The following GRM1 variants were observed in gnomAD, a reference collection of about 807,000 sequenced individuals.
GRM1 encodes glutamate metabotropic receptor 1, also known as metabotropic glutamate receptor 1.
Under a neutral mutation model 90.9 loss-of-function variants are expected in GRM1, and 33 were observed. The observed-to-expected ratio is 0.36, with a 90% CI of 0.28 to 0.49. GRM1 has a LOEUF of 0.49. GRM1 is among the 20% of genes least tolerant of loss of function. The pLI is 0.99. For synonymous variants in GRM1, 700 were observed against 613.2 expected (o/e 1.14, Z -2.09); for missense variants, 1,190 against 1,534.3 (o/e 0.78, Z 3.75).
intron 1 of GRM1, among the ~76,000 whole-genome samples, chr6:146,090,266 G>A (rs1257927899): frequency 6.6e-6 from 1 of 151,998 alleles, no homozygotes; most frequent in Admixed American, 6.6e-5. Context: ...ATGCCAATAG[G>A]TTAATTTATC....
intron 3 of GRM1, among the ~76,000 whole-genome samples, chr6:146,339,281 C>A (rs1197317684): frequency 6.6e-6 from 1 of 152,162 alleles, no homozygotes; most frequent in Non-Finnish European, 1.5e-5. Flanking sequence ...CCCTTCCACC[C>A]AAACTCAATT....
Position 146,434,057 on chromosome 6 carries a change from C to T in GRM1, c.2846C>T (p.Thr949Ile). Residue 949 changes from threonine (T) to isoleucine (I), a missense_variant, in exon 8 of 8, where the codon ACC becomes ATC. Transcript: ENST00000282753. ...GGCAAGAGCCTGACCTTTTCAGATA[C>T]CAGCACCAAGACCCTTTACAACGTA... is the stretch of plus-strand genomic sequence containing the variant. ...GSGKSLTFSD[T>I]STKTLYNVEE... The T allele has an allele frequency of 6.2e-7, 1 of 1,614,176 alleles. No individual in the cohort carries two copies.
At chr6:146,094,365 C>G (rs1445534028) in intron 1 of GRM1, among the ~76,000 whole-genome samples, 1 of 152,042 alleles carries the variant, frequency 6.6e-6, no homozygotes, top group Non-Finnish European at 1.5e-5. Flanking sequence ...ATAGCTTTTC[C>G]TGGTCATTAC....
chr6:146,119,822 C>G (rs1775911877), intron 1 of GRM1, among the ~76,000 whole-genome samples: 1 of 152,138 alleles, frequency 6.6e-6, no homozygotes, highest in Non-Finnish European at 1.5e-5. Context: ...GTACCAGTAC[C>G]ATGCTGTTTT....
intron 2 of GRM1, among the ~76,000 whole-genome samples, chr6:146,260,822 T>G (rs1416547192): frequency 2.1e-5 from 3 of 140,300 alleles, no homozygotes; most frequent in Non-Finnish European, 4.6e-5. Context: ...TTTTTTTTTT[T>G]TTTTTTTTTT....
At chr6:146,136,849 CTTTTTT>C (rs57774648) in intron 1 of GRM1, among the ~76,000 whole-genome samples, 1 of 90,942 alleles carries the variant, frequency 1.1e-5, no homozygotes, top group South Asian at 4.5e-4. Context: ...TGTACAGAAG[CTTTTTT>C]TTTTTTTTTT....
chr6:146,186,148 T>C (rs1778725000), intron 2 of GRM1, among the ~76,000 whole-genome samples: 1 of 150,592 alleles, frequency 6.6e-6, no homozygotes, highest in Non-Finnish European at 1.5e-5. Context: ...TTATTATTAT[T>C]ATGTTTTTTA....
chr6:146,256,760 T>C (rs1256473099), intron 2 of GRM1, among the ~76,000 whole-genome samples: 1 of 152,176 alleles, frequency 6.6e-6, no homozygotes, highest in African/African-American at 2.4e-5. Context: ...AACTCCAGGC[T>C]TTCTCTACTG....
chr6:146,150,572 T>G (rs1777286055), intron 1 of GRM1, among the ~76,000 whole-genome samples: 1 of 152,186 alleles, frequency 6.6e-6, no homozygotes, highest in Admixed American at 6.5e-5. Context: ...AGATTCCAAT[T>G]TTACTCTTCC....
At chr6:146,161,667 C>T (rs1777732546) in intron 2 of GRM1, among the ~76,000 whole-genome samples, 1 of 152,166 alleles carries the variant, frequency 6.6e-6, no homozygotes, top group Admixed American at 6.5e-5. Context: ...TGCATGGAAT[C>T]ATTGAGATGA....
intron 1 of GRM1, among the ~76,000 whole-genome samples, chr6:146,055,165 G>T (rs1313935708): frequency 6.6e-6 from 1 of 151,934 alleles, no homozygotes; most frequent in African/African-American, 2.4e-5. Context: ...AATGTATGTT[G>T]AATATCTGCT....
intron 3 of GRM1, among the ~76,000 whole-genome samples, chr6:146,349,530 C>T (rs887953830): frequency 6.6e-5 from 10 of 152,168 alleles, no homozygotes; most frequent in Admixed American, 5.9e-4. Context: ...CGACATGATA[C>T]TGTCTCAACA....
At chr6:146,228,446 A>G (rs144559432) in intron 2 of GRM1, among the ~76,000 whole-genome samples, 25 of 152,294 alleles carry the variant, frequency 1.6e-4, no homozygotes, top group African/African-American at 5.8e-4. Flanking sequence ...CCCATTCCCA[A>G]AATAACAAAT....
chr6:146,401,436 A>G (rs1777155450), intron 7 of GRM1, among the ~76,000 whole-genome samples: 1 of 152,178 alleles, frequency 6.6e-6, no homozygotes, highest in African/African-American at 2.4e-5. Context: ...GGAAAAAATA[A>G]TTAGACAATT....
chr6:146,308,386 C>T (rs888041425), intron 3 of GRM1, among the ~76,000 whole-genome samples: 2 of 152,110 alleles, frequency 1.3e-5, no homozygotes, highest in African/African-American at 4.8e-5. Flanking sequence ...AAATACTTTG[C>T]AAACTGAAAA....
chr6:146,188,929 C>G (rs1397383641), intron 2 of GRM1, among the ~76,000 whole-genome samples: 1 of 152,122 alleles, frequency 6.6e-6, no homozygotes, highest in Non-Finnish European at 1.5e-5. Flanking sequence ...TTTGTTGATT[C>G]ACAATCCAAT....
Position 146,139,056 on chromosome 6 carries a change from A to T in GRM1, c.701-20292A>T, listed in dbSNP as rs537286349. On this transcript the variant is annotated intron_variant, in intron 1 of 7. Coordinates refer to ENST00000282753, the MANE Select transcript of GRM1 (RefSeq NM_001278064.2). ...ATCATTTGTTTCGAGAAATTTTTCA[A>T]TTTTCTTCTTAATTTCTTTATTGAC... is the stretch of plus-strand genomic sequence containing the variant. Among the ~76,000 whole-genome samples the T allele has an allele frequency of 2.0e-5, 3 of 151,046 alleles. No individual in the cohort carries two copies. In the South Asian group the frequency reaches 6.3e-4, roughly 31 times the overall value.
chr6:146,374,967 T>C (rs1012070581), intron 5 of GRM1, among the ~76,000 whole-genome samples: 2 of 152,064 alleles, frequency 1.3e-5, no homozygotes, highest in Non-Finnish European at 2.9e-5. Flanking sequence ...GATTGTTCAT[T>C]TAAAGTTTTT....
intron 5 of GRM1, among the ~76,000 whole-genome samples, chr6:146,373,163 T>G (rs1361486360): frequency 6.6e-6 from 1 of 152,186 alleles, no homozygotes; most frequent in African/African-American, 2.4e-5. Flanking sequence ...ATAGTTTTCA[T>G]TATAGAGATC....
Sources: allele counts gnomAD v4.1 joint callset (sites outside exome capture counted in the v4.1 genomes callset), GRCh38; gene constraint gnomAD v4.1.1; transcripts MANE v1.5; gene names NCBI Gene and HGNC (gene_info 2026-07-23, HGNC 2026-07-21).